Variants in ERAP1 observed in about 807,000 individuals in gnomAD.
ERAP1 encodes endoplasmic reticulum aminopeptidase 1, also known as adipocyte-derived leucine aminopeptidase.
ERAP1 carries 86 observed loss-of-function variants against 103.7 expected under a neutral mutation model. That is an observed-to-expected ratio of 0.83 (90% CI 0.70 to 0.99). ERAP1 has a LOEUF of 0.99. ERAP1 is among the 50% of genes least tolerant of loss of function. ERAP1 has a pLI of 0.00. For missense variants in ERAP1, 1,009 were observed against 1,128.4 expected (o/e 0.89, Z 1.52); for synonymous variants, 398 against 402.4 (o/e 0.99, Z 0.13).
the ERAP1 span, among the ~76,000 whole-genome samples, chr5:96,834,131 A>C: frequency 6.6e-6 from 1 of 152,250 alleles, no homozygotes; most frequent in Non-Finnish European, 1.5e-5. Context: ...TTAGTTCCTC[A>C]GTAATTCAGT....
chr5:96,933,056 G>A, the ERAP1 span, among the ~76,000 whole-genome samples: 1 of 152,086 alleles, frequency 6.6e-6, no homozygotes, highest in Non-Finnish European at 1.5e-5. Flanking sequence ...TTGTGAAATT[G>A]TGATATCATA....
chr5:96,891,750 TAGA>T, the ERAP1 span, among the ~76,000 whole-genome samples: 856 of 152,202 alleles, frequency 5.6e-3, 14 homozygotes, highest in African/African-American at 0.019. Flanking sequence ...TCTGCTGTCT[TAGA>T]AGAACATGTG....
chr5:96,898,891 T>C, the ERAP1 span, among the ~76,000 whole-genome samples: 1 of 152,188 alleles, frequency 6.6e-6, no homozygotes, highest in Non-Finnish European at 1.5e-5. Context: ...CTGTCTCTCA[T>C]CCCTCTCCAT....
chr5:96,811,734 A>T (rs941955771), upstream of ERAP1, among the ~76,000 whole-genome samples: 14 of 152,254 alleles, frequency 9.2e-5, no homozygotes, highest in Admixed American at 8.5e-4. Context: ...TTGAGTGACC[A>T]CAGCTGCCCT....
the ERAP1 span, chr5:96,895,384 T>G: frequency 7.2e-7 from 1 of 1,391,438 alleles, no homozygotes; most frequent in Non-Finnish European, 1.0e-6. Context: ...CTGTGTATCA[T>G]ACTATATGGT....
the ERAP1 span, among the ~76,000 whole-genome samples, chr5:96,826,704 A>G: frequency 2.0e-5 from 3 of 151,780 alleles, no homozygotes; most frequent in Non-Finnish European, 4.4e-5. Flanking sequence ...TGATTCATAT[A>G]CTCCTAATTG....
the ERAP1 span, among the ~76,000 whole-genome samples, chr5:96,867,307 T>C: frequency 6.6e-6 from 1 of 151,890 alleles, no homozygotes; most frequent in Non-Finnish European, 1.5e-5. Flanking sequence ...GTGCTGGGCT[T>C]CTCCCTGAGA....
At chr5:96,839,132 G>A in the ERAP1 span, among the ~76,000 whole-genome samples, 1 of 152,212 alleles carries the variant, frequency 6.6e-6, no homozygotes, top group Non-Finnish European at 1.5e-5. Context: ...CACAGGGCAA[G>A]GTCTGGGACA....
the ERAP1 span, among the ~76,000 whole-genome samples, chr5:96,922,209 A>G: frequency 3.3e-5 from 5 of 152,298 alleles, no homozygotes; most frequent in East Asian, 9.6e-4. Context: ...GAGGCAGGAG[A>G]ATGGCACGAA....
the ERAP1 span, among the ~76,000 whole-genome samples, chr5:96,824,001 A>C: frequency 6.6e-6 from 1 of 152,220 alleles, no homozygotes; most frequent in African/African-American, 2.4e-5. Context: ...GGTAGTGTAC[A>C]CAGTGGGGAT....
chr5:96,915,015 T>A, the ERAP1 span, among the ~76,000 whole-genome samples: 1 of 152,148 alleles, frequency 6.6e-6, no homozygotes, highest in African/African-American at 2.4e-5. Flanking sequence ...TTAATTAATT[T>A]ATTTTTTTTG....
intron 7 of ERAP1, among the ~76,000 whole-genome samples, chr5:96,792,471 T>A (rs1460153556): frequency 2.0e-5 from 3 of 152,186 alleles, no homozygotes; most frequent in African/African-American, 7.2e-5. Flanking sequence ...CAATTATGCC[T>A]ATAGCCAAAC....
the ERAP1 span, among the ~76,000 whole-genome samples, chr5:96,890,794 A>G: frequency 6.6e-6 from 1 of 152,170 alleles, no homozygotes; most frequent in African/African-American, 2.4e-5. Context: ...CAGGTTCTAT[A>G]TACTCTTTAG....
chr5:96,817,721 C>G, the ERAP1 span, among the ~76,000 whole-genome samples: 1 of 152,212 alleles, frequency 6.6e-6, no homozygotes, highest in African/African-American at 2.4e-5. Context: ...TGGGCAGCCT[C>G]TGCCACAATT....
the ERAP1 span, chr5:96,879,972 A>C: frequency 6.2e-7 from 1 of 1,614,194 alleles, no homozygotes; most frequent in Middle Eastern, 1.7e-4. Context: ...GCATCTGAGA[A>C]GATCGAAGTC....
intron 3 of ERAP1, among the ~76,000 whole-genome samples, chr5:96,800,167 G>A (rs181864333): frequency 6.6e-6 from 1 of 152,306 alleles, no homozygotes; most frequent in Non-Finnish European, 1.5e-5. Flanking sequence ...CGGCCCAGCT[G>A]ATGCTTTTCT....
At chr5:96,805,979 G>C (rs1263161124) in intron 1 of ERAP1, 2 of 152,308 alleles carry the variant, frequency 1.3e-5, no homozygotes, top group Non-Finnish European at 2.9e-5. Flanking sequence ...TGCAGGGTTG[G>C]GTCCATGAGG....
intron 17 of ERAP1, 89 bp downstream of exon 17, chr5:96,780,969 C>CTGTT (rs1203654796): frequency 6.8e-7 from 1 of 1,468,668 alleles, no homozygotes; most frequent in African/African-American, 1.4e-5. Flanking sequence ...TACCTTTAGA[C>CTGTT]TGTTACTGTT....
chr5:96,798,048 G>T (rs549935778), intron 3 of ERAP1, among the ~76,000 whole-genome samples: 2 of 152,092 alleles, frequency 1.3e-5, no homozygotes, highest in Non-Finnish European at 2.9e-5. Context: ...AACCTGGGCC[G>T]GACACAGTGG....
Sources: gnomAD v4.1 joint callset for allele counts (sites outside exome capture counted in the v4.1 genomes callset) on GRCh38, gnomAD v4.1.1 for gene constraint, MANE v1.5 for transcripts, NCBI Gene and HGNC (gene_info 2026-07-23, HGNC 2026-07-21) for gene names.